The following TCF12 variants were observed in gnomAD, a reference collection of about 807,000 sequenced individuals.
The protein encoded by TCF12 is transcription factor 12.
A neutral mutation model predicts 86.0 loss-of-function variants in TCF12; 45 were observed. The observed-to-expected ratio is 0.52, with a 90% CI of 0.41 to 0.67. The LOEUF (loss-of-function observed/expected upper bound fraction) is 0.67, where lower values mean the gene tolerates loss of function less well. Among genes scored for constraint, TCF12 ranks in the 30% least tolerant of loss-of-function variants. TCF12 has a pLI of 0.00. For synonymous variants in TCF12, 330 were observed against 299.6 expected (o/e 1.10, Z -1.05); for missense variants, 881 against 859.9 (o/e 1.02, Z -0.31).
Position 57,253,455 on chromosome 15 carries a change from G to A in TCF12, c.1454G>A (p.Arg485Gln), listed in dbSNP as rs764189323. 4.2e-5 allele frequency: 68 copies of A among 1,613,946 alleles called. No homozygotes were observed. In the East Asian group the frequency reaches 1.4e-3, roughly 32 times the overall value. Residue 485 changes from arginine (R) to glutamine (Q), a missense_variant, in exon 16 of 21, where the codon CGA becomes CAA. Coordinates refer to ENST00000333725, the MANE Select transcript of TCF12 (RefSeq NM_207037.2). ...GGATCAAGCCTTGTTGCAAGCAGTC[G>A]ATCAGCTTCAATGGTAAAATCATGC... is the stretch of plus-strand genomic sequence containing the variant. ...YGGSSLVASS[R>Q]SASMVGTHRE...
intron 8 of TCF12, among the ~76,000 whole-genome samples, chr15:57,224,100 T>C (rs1304711400): frequency 6.6e-6 from 1 of 152,074 alleles, no homozygotes; most frequent in East Asian, 1.9e-4. Context: ...GAGTTAAAAC[T>C]AGCTCCTGCT....
At chr15:57,024,948 G>A (rs2065731778) in intron 3 of TCF12, among the ~76,000 whole-genome samples, 1 of 152,110 alleles carries the variant, frequency 6.6e-6, no homozygotes. Flanking sequence ...AGGTAGTCAA[G>A]GTAATATCTG....
intron 5 of TCF12, among the ~76,000 whole-genome samples, chr15:57,142,901 A>T (rs2053083216): frequency 6.6e-6 from 1 of 152,226 alleles, no homozygotes; most frequent in South Asian, 2.1e-4. Context: ...AGTATGAAGG[A>T]TATGAAAGTC....
chr15:57,087,683 A>G (rs957853390), intron 4 of TCF12, among the ~76,000 whole-genome samples: 3 of 152,178 alleles, frequency 2.0e-5, no homozygotes, highest in Non-Finnish European at 2.9e-5. Context: ...GATTTTAAGT[A>G]TAGAAATTAA....
At chr15:57,124,318 T>G (rs1341912977) in intron 5 of TCF12, among the ~76,000 whole-genome samples, 5 of 152,250 alleles carry the variant, frequency 3.3e-5, no homozygotes, top group African/African-American at 1.2e-4. Context: ...AACATTGATG[T>G]GAGGAAAATA....
intron 3 of TCF12, among the ~76,000 whole-genome samples, chr15:56,964,790 A>G (rs2061930385): frequency 6.6e-6 from 1 of 152,220 alleles, no homozygotes; most frequent in Admixed American, 6.5e-5. Context: ...AATACCTGGT[A>G]ACAACTAGTT....
At chr15:57,029,046 C>T (rs1441757133) in intron 3 of TCF12, among the ~76,000 whole-genome samples, 1 of 152,148 alleles carries the variant, frequency 6.6e-6, no homozygotes, top group African/African-American at 2.4e-5. Context: ...TGCTCTCGAA[C>T]GACCTGGCCT....
At chr15:57,190,219 TCA>T (rs2056909491) in intron 6 of TCF12, among the ~76,000 whole-genome samples, 1 of 152,214 alleles carries the variant, frequency 6.6e-6, no homozygotes, top group African/African-American at 2.4e-5. Flanking sequence ...ATGAAAACAT[TCA>T]GTGTTTATGT....
At chr15:56,955,331 C>G (rs181109824) in intron 3 of TCF12, among the ~76,000 whole-genome samples, 1 of 151,768 alleles carries the variant, frequency 6.6e-6, no homozygotes, top group Non-Finnish European at 1.5e-5. Flanking sequence ...TGTTCTCACT[C>G]ATAGGTGGGA....
chr15:57,182,901 T>C (rs923257115), intron 6 of TCF12, among the ~76,000 whole-genome samples: 5 of 152,204 alleles, frequency 3.3e-5, no homozygotes, highest in African/African-American at 9.6e-5. Context: ...ATCACTTACA[T>C]GTTTTCAAGT....
chr15:57,115,873 G>A (rs1439187820), intron 5 of TCF12, among the ~76,000 whole-genome samples: 1 of 152,076 alleles, frequency 6.6e-6, no homozygotes, highest in Non-Finnish European at 1.5e-5. Flanking sequence ...GGAGAAGATT[G>A]TAAGATGAGA....
At chr15:57,260,807 TTCG>T (rs1255487492) in intron 16 of TCF12, among the ~76,000 whole-genome samples, 1 of 152,206 alleles carries the variant, frequency 6.6e-6, no homozygotes, top group Non-Finnish European at 1.5e-5. Context: ...AGCACCCTCA[TTCG>T]TTAAGAATAA....
At chr15:57,196,942 T>C (rs544339610) in intron 7 of TCF12, among the ~76,000 whole-genome samples, 1 of 152,276 alleles carries the variant, frequency 6.6e-6, no homozygotes, top group Non-Finnish European at 1.5e-5. Context: ...ATTTCTTTAT[T>C]TCAAATTTTT....
At chr15:56,961,301 A>G (rs183048073) in intron 3 of TCF12, among the ~76,000 whole-genome samples, 6 of 152,230 alleles carry the variant, frequency 3.9e-5, no homozygotes, top group African/African-American at 1.4e-4. Context: ...CAATAGAAAT[A>G]TATACCGTTT....
chr15:57,175,283 A>C (rs975548752), intron 6 of TCF12, among the ~76,000 whole-genome samples: 3 of 152,138 alleles, frequency 2.0e-5, no homozygotes, highest in African/African-American at 4.8e-5. Context: ...ACTTGAGCCC[A>C]GGAGTTTGAG....
intron 6 of TCF12, among the ~76,000 whole-genome samples, chr15:57,186,833 C>G (rs1224357101): frequency 6.6e-6 from 1 of 152,080 alleles, no homozygotes; most frequent in Non-Finnish European, 1.5e-5. Flanking sequence ...ATTCTCACCA[C>G]ACTAATAGAA....
chr15:57,007,790 CTCTCTTTCTTTCTT>C (rs2064498844), intron 3 of TCF12, among the ~76,000 whole-genome samples: 5 of 22,954 alleles, frequency 2.2e-4, no homozygotes, highest in African/African-American at 4.7e-4. Context: ...TTCTTTCTTT[CTCTCTTTCTTTCTT>C]TCTTTCTTTC....
chr15:57,127,826 C>A (rs2051784598), intron 5 of TCF12, among the ~76,000 whole-genome samples: 1 of 152,066 alleles, frequency 6.6e-6, no homozygotes, highest in Admixed American at 6.5e-5. Context: ...CTGTTTTGAT[C>A]ACTGTTAGAA....
intron 16 of TCF12, among the ~76,000 whole-genome samples, chr15:57,256,079 A>G (rs533850022): frequency 1.2e-4 from 19 of 152,348 alleles, no homozygotes; most frequent in African/African-American, 4.6e-4. Flanking sequence ...TAGCCTCAAA[A>G]TATAAAGTTA....
Sources: allele counts gnomAD v4.1 joint callset (sites outside exome capture counted in the v4.1 genomes callset), GRCh38; gene constraint gnomAD v4.1.1; transcripts MANE v1.5; gene names NCBI Gene and HGNC (gene_info 2026-07-23, HGNC 2026-07-21).